SLX4IP: variants seen among roughly 807,000 people sequenced by gnomAD.
SLX4IP encodes protein SLX4IP.
A neutral mutation model predicts 32.9 loss-of-function variants in SLX4IP; 34 were observed. That is an observed-to-expected ratio of 1.03 (90% CI 0.79 to 1.38). The LOEUF (loss-of-function observed/expected upper bound fraction) is 1.38, where lower values mean the gene tolerates loss of function less well. Among genes scored for constraint, SLX4IP ranks in the 40% most tolerant of loss-of-function variants. SLX4IP has a pLI of 0.00. For synonymous variants in SLX4IP, 172 were observed against 171.7 expected (o/e 1.00, Z -0.01); for missense variants, 444 against 479.0 (o/e 0.93, Z 0.68).
intron 2 of SLX4IP, among the ~76,000 whole-genome samples, chr20:10,548,145 C>T (rs2066182029): frequency 6.6e-6 from 1 of 152,168 alleles, no homozygotes; most frequent in African/African-American, 2.4e-5. Flanking sequence ...GGTTCAACGC[C>T]TCCTAAACTG....
chr20:10,618,107 C>A (rs776629122), intron 6 of SLX4IP, among the ~76,000 whole-genome samples: 7 of 152,184 alleles, frequency 4.6e-5, no homozygotes, highest in African/African-American at 9.7e-5. Context: ...GGTAATATCA[C>A]CCATTGTCAT....
chr20:10,560,658 C>T (rs1479535172), intron 3 of SLX4IP, 42 bp from the exon 4 acceptor site: 1 of 1,370,126 alleles, frequency 7.3e-7, no homozygotes, highest in East Asian at 2.6e-5. Context: ...AATTTTTTTG[C>T]ATTAAATTTG....
At chr20:10,608,783 A>G (rs1413079096) in intron 6 of SLX4IP, among the ~76,000 whole-genome samples, 2 of 152,068 alleles carry the variant, frequency 1.3e-5, no homozygotes, top group East Asian at 1.9e-4. Context: ...TTTAAATGCA[A>G]TTAACGCCAC....
intron 2 of SLX4IP, among the ~76,000 whole-genome samples, chr20:10,528,729 T>A (rs1049006521): frequency 6.6e-6 from 1 of 152,236 alleles, no homozygotes; most frequent in African/African-American, 2.4e-5. Flanking sequence ...AGAAAATCTT[T>A]GATACCCATG....
Position 10,546,219 on chromosome 20 carries a change from C to G in SLX4IP, c.28-10012C>G, listed in dbSNP as rs924426449. The stretch of plus-strand genomic sequence containing the variant: ...GTTTCCCAGCCACTTTGCACCCTCT[C>G]AAGTCAGGGGCCTTACGGACGAGTA... On this transcript the variant is annotated intron_variant, in intron 2 of 7. Transcript: ENST00000334534. Among the ~76,000 whole-genome samples the G allele has an allele frequency of 3.9e-5, 6 of 152,214 alleles. No individual in the cohort carries two copies. In the East Asian group the frequency reaches 1.2e-3, roughly 29 times the overall value.
At chr20:10,470,438 G>A (rs544579210) in intron 2 of SLX4IP, among the ~76,000 whole-genome samples, 18 of 152,312 alleles carry the variant, frequency 1.2e-4, no homozygotes, top group Admixed American at 4.6e-4. Context: ...TTCTCTAGTA[G>A]TAGGCTCTTG....
intron 2 of SLX4IP, among the ~76,000 whole-genome samples, chr20:10,526,075 G>T (rs1013414936): frequency 6.6e-6 from 1 of 151,950 alleles, no homozygotes; most frequent in South Asian, 2.1e-4. Flanking sequence ...CTGCATTTCC[G>T]GTCTCACCTT....
At chr20:10,463,537 A>G in intron 2 of SLX4IP, among the ~76,000 whole-genome samples, 1 of 152,214 alleles carries the variant, frequency 6.6e-6, no homozygotes, top group Admixed American at 6.5e-5. Context: ...AACCAGTCCT[A>G]TTGGAAGAAG....
intron 4 of SLX4IP, among the ~76,000 whole-genome samples, chr20:10,562,224 T>A (rs768525842): frequency 6.6e-6 from 1 of 152,180 alleles, no homozygotes; most frequent in Non-Finnish European, 1.5e-5. Flanking sequence ...CTTGCCTTGG[T>A]GTACCGGAAA....
At chr20:10,566,076 A>T (rs1322329006) in intron 4 of SLX4IP, among the ~76,000 whole-genome samples, 1 of 152,154 alleles carries the variant, frequency 6.6e-6, no homozygotes, top group Non-Finnish European at 1.5e-5. Flanking sequence ...AATTTCTGTA[A>T]CTGTGAAATA....
chr20:10,538,270 G>C (rs1447015084), intron 2 of SLX4IP, among the ~76,000 whole-genome samples: 1 of 130,646 alleles, frequency 7.7e-6, no homozygotes, highest in Non-Finnish European at 1.7e-5. Context: ...AAGTCAGCTG[G>C]CTCCATGCAG....
At chr20:10,570,802 T>C (rs1410164270) in intron 4 of SLX4IP, among the ~76,000 whole-genome samples, 3 of 152,160 alleles carry the variant, frequency 2.0e-5, no homozygotes, top group Non-Finnish European at 4.4e-5. Flanking sequence ...GTGCTGGGAT[T>C]ACAGGCGTGA....
chr20:10,504,454 C>A (rs1344156706), intron 2 of SLX4IP, among the ~76,000 whole-genome samples: 4 of 152,160 alleles, frequency 2.6e-5, no homozygotes, highest in Non-Finnish European at 5.9e-5. Flanking sequence ...AGACCCGCTT[C>A]CTGGCCCATT....
intron 2 of SLX4IP, among the ~76,000 whole-genome samples, chr20:10,546,607 C>CCTCATGCCCACATTGT (rs1181676173): frequency 6.6e-6 from 1 of 152,034 alleles, no homozygotes; most frequent in African/African-American, 2.4e-5. Context: ...GGTGCAGAAG[C>CCTCATGCCCACATTGT]CTCATGCCCA....
chr20:10,543,148 C>G (rs1035668217), intron 2 of SLX4IP, among the ~76,000 whole-genome samples: 29 of 152,308 alleles, frequency 1.9e-4, no homozygotes, highest in Non-Finnish European at 3.7e-4. Context: ...TTATTGAGCT[C>G]CTACCATGTG....
At chr20:10,452,676 A>ATATATAT (rs764822188) in intron 1 of SLX4IP, among the ~76,000 whole-genome samples, 21 of 97,964 alleles carry the variant, frequency 2.1e-4, no homozygotes, top group African/African-American at 6.8e-4. Flanking sequence ...AAAAAAAAAA[A>ATATATAT]AAAAATATAT....
At chr20:10,570,023 T>G (rs1294780887) in intron 4 of SLX4IP, among the ~76,000 whole-genome samples, 2 of 152,210 alleles carry the variant, frequency 1.3e-5, no homozygotes, top group East Asian at 3.8e-4. Context: ...AGTCTAAGTA[T>G]GTTCTCCGTC....
intron 2 of SLX4IP, among the ~76,000 whole-genome samples, chr20:10,492,831 AGC>A (rs1316701374): frequency 6.6e-6 from 1 of 152,216 alleles, no homozygotes; most frequent in Non-Finnish European, 1.5e-5. Flanking sequence ...ATCTCAGAAC[AGC>A]TTATCCTTTC....
intron 1 of SLX4IP, among the ~76,000 whole-genome samples, chr20:10,436,514 C>A (rs1005314430): frequency 6.6e-6 from 1 of 151,938 alleles, no homozygotes; most frequent in Non-Finnish European, 1.5e-5. Context: ...GCGCCACCAC[C>A]CCCGGCTAAT....
Sources: allele counts gnomAD v4.1 joint callset (sites outside exome capture counted in the v4.1 genomes callset), GRCh38; gene constraint gnomAD v4.1.1; transcripts MANE v1.5; gene names NCBI Gene and HGNC (gene_info 2026-07-23, HGNC 2026-07-21).